MAP1LC3A: variants seen among roughly 807,000 people sequenced by gnomAD.
MAP1LC3A encodes microtubule-associated protein 1 light chain 3 alpha.
A neutral mutation model predicts 15.2 loss-of-function variants in MAP1LC3A; 10 were observed. The observed-to-expected ratio is 0.66, with a 90% CI of 0.41 to 1.12. The LOEUF (loss-of-function observed/expected upper bound fraction) is 1.12, where lower values mean the gene tolerates loss of function less well. Among genes scored for constraint, MAP1LC3A ranks in the 50% most tolerant of loss-of-function variants. The probability of loss-of-function intolerance (pLI) is 0.00; values close to 1 mark genes in which losing one functional copy is unlikely to be tolerated. For synonymous variants in MAP1LC3A, 63 were observed against 64.3 expected (o/e 0.98, Z 0.10); for missense variants, 138 against 167.3 (o/e 0.82, Z 0.97).
intron 2 of MAP1LC3A, among the ~76,000 whole-genome samples, chr20:34,553,105 C>G (rs1311864159): frequency 6.6e-6 from 1 of 152,168 alleles, no homozygotes; most frequent in African/African-American, 2.4e-5. Flanking sequence ...AGGAGAATCG[C>G]TTGAAGGTGG....
chr20:34,560,076 G>T lies in MAP1LC3A; in HGVS notation c.*178G>T. On this transcript the variant is annotated 3_prime_UTR_variant, in exon 4 of 4. Coordinates refer to ENST00000360668, the MANE Select transcript of MAP1LC3A (RefSeq NM_032514.4). ...CCCCTGGGTGGATCCTGGGCCGGTC[G>T]TGTTAGGGTTGTCCCTCTGGGTGCT... 1 of 523,810 alleles carries T rather than the reference G, an allele frequency of 1.9e-6. No homozygotes were observed. 32.4% of individuals were successfully genotyped at this position (523,810 alleles called of 1,614,324 possible). A position where few individuals can be genotyped will look rare whatever the true frequency, so the allele number is the denominator to read the frequency against.
chr20:34,551,622 C>A (rs187387880), intron 2 of MAP1LC3A, among the ~76,000 whole-genome samples: 77 of 152,054 alleles, frequency 5.1e-4, no homozygotes, highest in African/African-American at 1.6e-3. Context: ...CCTGCCATCA[C>A]GCCTGGCTAA....
At position 34,558,899 on chromosome 20, in the gene MAP1LC3A, C is replaced by T; in HGVS notation, c.31C>T (p.Arg11Trp). 7.1e-7 allele frequency: 1 copy of T among 1,417,106 alleles called. No individual in the cohort carries two copies. Among genetic ancestry groups the T allele is most frequent in the South Asian group, 1.4e-5 (1 of 69,322 alleles). The allele number at this position is 1,417,106 out of a possible 1,614,324, so 87.8% of individuals were successfully genotyped here. The change falls in exon 1 of 4, where the codon CGG becomes TGG. Residue 11 changes from arginine (R) to tryptophan (W), a missense_variant. Arg to Trp is a moderately radical substitution (Grantham distance 101). Transcript: ENST00000360668. This position sits in a 1 kb window ranked among gnomAD's most constrained non-coding sequence, Gnocchi z 4.3. The part of the protein sequence containing the change: MPSDRPFKQR[R>W]SFADRCKEVQ... ...CTCAGACCGGCCTTTCAAGCAGCGG[C>T]GGAGCTTCGGTGAGGCCCGGCAGGC... is the stretch of plus-strand genomic sequence containing the variant.
At chr20:34,559,475 G>A (rs747516887) in intron 3 of MAP1LC3A, 22 bp downstream of exon 3, 4 of 1,602,578 alleles carry the variant, frequency 2.5e-6, no homozygotes, top group Non-Finnish European at 3.4e-6. Flanking sequence ...GCCGCCGCCA[G>A]GAGGTGGCTA....
chr20:34,560,333 A>G lies in MAP1LC3A; in HGVS notation c.*435A>G, dbSNP rs1331652109. 1.7e-5 allele frequency: 3 copies of G among 179,522 alleles called. No individual in the cohort carries two copies. The highest frequency in any genetic ancestry group is 1.3e-4 in the South Asian group (1 of 7,818). 11.1% of individuals were successfully genotyped at this position (179,522 alleles called of 1,614,324 possible). ...TCCCTCTGCAGAATAAAGATTGCTC[A>G]GGCCTGCCTGGCCCTGTGCCTCCAG... On this transcript the variant is annotated 3_prime_UTR_variant, in exon 4 of 4. Transcript: ENST00000360668.
In MAP1LC3A at chr20:34,558,882, G is replaced by C; in HGVS notation, c.14G>C (p.Arg5Pro). ...CGGGCCCGCGCGATGCCCTCAGACC[G>C]GCCTTTCAAGCAGCGGCGGAGCTTC... MPSD[R>P]PFKQRRSFAD... Residue 5 changes from arginine (R) to proline (P), a missense_variant, in exon 1 of 4, where the codon CGG becomes CCG. By Grantham distance (103) the Arg-to-Pro change is moderately radical (BLOSUM62 -2). Transcript: ENST00000360668. The surrounding 1 kb of genome is among the most constrained non-coding windows in gnomAD (Gnocchi z 4.3). 7.0e-7 allele frequency: 1 copy of C among 1,429,052 alleles called. No homozygotes were observed. Among genetic ancestry groups the C allele is most frequent in the Non-Finnish European group, 9.1e-7 (1 of 1,096,280 alleles). 88.5% of individuals were successfully genotyped at this position (1,429,052 alleles called of 1,614,324 possible). A position where few individuals can be genotyped will look rare whatever the true frequency, so the allele number is the denominator to read the frequency against.
At chr20:34,549,125 A>C (rs960186592) in intron 1 of MAP1LC3A, among the ~76,000 whole-genome samples, 1 of 152,188 alleles carries the variant, frequency 6.6e-6, no homozygotes, top group Admixed American at 6.5e-5. Flanking sequence ...TCCCGGGTTC[A>C]AGTGATTCTT....
chr20:34,554,361 T>TTTG, upstream of MAP1LC3A, among the ~76,000 whole-genome samples: 1 of 3,842 alleles, frequency 2.6e-4, no homozygotes, highest in African/African-American at 7.5e-4. Context: ...TGGGTTTTTT[T>TTTG]TTTTTTTTTT....
At chr20:34,555,865 TG>T (rs1982138243), upstream of MAP1LC3A, among the ~76,000 whole-genome samples, 2 of 148,516 alleles carry the variant, frequency 1.3e-5, no homozygotes, top group Non-Finnish European at 3.0e-5. Flanking sequence ...TTTTTTTTGA[TG>T]GAGTCTCGCT....
chr20:34,558,313 C>T (rs1273008911), upstream of MAP1LC3A: 2 of 986,160 alleles, frequency 2.0e-6, no homozygotes, highest in Non-Finnish European at 2.4e-6. This position sits in a 1 kb window ranked among gnomAD's most constrained non-coding sequence, Gnocchi z 4.3. Context: ...CTGTGCCTCC[C>T]GCACCTTCTC....
chr20:34,559,685 C>A, intron 3 of MAP1LC3A, 51 bp from the exon 4 acceptor site: 1 of 1,550,962 alleles, frequency 6.4e-7, no homozygotes, highest in Non-Finnish European at 8.7e-7. Context: ...AGGGCTATGT[C>A]CGTCCCGCAG....
chr20:34,558,029 A>G (rs1032659746), upstream of MAP1LC3A: 4 of 973,086 alleles, frequency 4.1e-6, no homozygotes, highest in Middle Eastern at 1.1e-3. The surrounding 1 kb of genome is among the most constrained non-coding windows in gnomAD (Gnocchi z 4.3). Context: ...CTGTCTCTGC[A>G]GGTCTTTCAG....
At chr20:34,550,227 G>C (rs1434923721) in intron 2 of MAP1LC3A, among the ~76,000 whole-genome samples, 1 of 152,222 alleles carries the variant, frequency 6.6e-6, no homozygotes, top group Non-Finnish European at 1.5e-5. Context: ...GGTGGGAGCA[G>C]AGCAGTCGAG....
chr20:34,558,168 C>A (rs746953086), upstream of MAP1LC3A: 22 of 980,642 alleles, frequency 2.2e-5, no homozygotes, highest in Non-Finnish European at 2.7e-5. This position sits in a 1 kb window ranked among gnomAD's most constrained non-coding sequence, Gnocchi z 4.3. Context: ...TCCACGATTT[C>A]TCTTCTGTTG....
intron 1 of MAP1LC3A, among the ~76,000 whole-genome samples, chr20:34,548,519 C>A (rs1160564618): frequency 1.3e-5 from 2 of 152,112 alleles, no homozygotes; most frequent in Non-Finnish European, 2.9e-5. Flanking sequence ...CGGGTGAGGC[C>A]CGGAGGAAGG....
chr20:34,547,225 G>T (rs1981768407), intron 1 of MAP1LC3A, among the ~76,000 whole-genome samples: 1 of 152,076 alleles, frequency 6.6e-6, no homozygotes, highest in Admixed American at 6.5e-5. Context: ...TTCAGCCGGG[G>T]GTGCAGCAGT....
chr20:34,559,555 G>T, intron 3 of MAP1LC3A, 102 bp downstream of exon 3: 2 of 1,278,542 alleles, frequency 1.6e-6, no homozygotes, highest in Non-Finnish European at 1.1e-6. Context: ...GGGACCGGGC[G>T]GTGGGCCCCT....
In MAP1LC3A at chr20:34,559,400, C is replaced by G. The variant is rs779808497; in HGVS notation, c.150C>G (p.Thr50=). ...GEKQLPVLDK[T]KFLVPDHVNM... is the part of the protein sequence containing the mutation. The stretch of plus-strand genomic sequence containing the variant: ...AGCAGCTGCCCGTCCTGGACAAGAC[C>G]AAGTTTTTGGTCCCGGACCATGTCA... Residue 50 remains threonine, a synonymous_variant, in exon 3 of 4, where the codon ACC becomes ACG. Transcript: ENST00000360668. 1 of 1,613,508 alleles carries G rather than the reference C, an allele frequency of 6.2e-7. No homozygotes were observed. The highest frequency in any genetic ancestry group is 1.1e-5 in the South Asian group (1 of 91,000).
Position 34,559,851 on chromosome 20 carries a change from G to A in MAP1LC3A, c.319G>A (p.Gly107Ser), listed in dbSNP as rs1347928984. ...DIYEQEKDED[G>S]FLYMVYASQE... is the part of the protein sequence containing the mutation. ...CTACGAGCAGGAGAAAGACGAGGAC[G>A]GCTTCCTCTATATGGTCTACGCCTC... is the stretch of plus-strand genomic sequence containing the variant. The change falls in exon 4 of 4, where the codon GGC becomes AGC. Residue 107 changes from glycine to serine, a missense_variant. Physicochemically the swap from Gly to Ser is moderately conservative, Grantham distance 56. Coordinates refer to ENST00000360668, the MANE Select transcript of MAP1LC3A (RefSeq NM_032514.4). 4 of 1,613,864 alleles carry A rather than the reference G, an allele frequency of 2.5e-6. No individual in the cohort carries two copies. Among genetic ancestry groups the A allele is most frequent in the Non-Finnish European group, 3.4e-6 (4 of 1,179,992 alleles).
Sources: allele counts gnomAD v4.1 joint callset (sites outside exome capture counted in the v4.1 genomes callset), GRCh38; gene constraint gnomAD v4.1.1; non-coding constraint Gnocchi (gnomAD v3.1); transcripts MANE v1.5; gene names NCBI Gene and HGNC (gene_info 2026-07-23, HGNC 2026-07-21).